ZC3HC1: variants seen among roughly 807,000 people sequenced by gnomAD.
The protein encoded by ZC3HC1 is zinc finger C3HC-type protein 1.
Under a neutral mutation model 61.9 loss-of-function variants are expected in ZC3HC1, and 38 were observed. That is an observed-to-expected ratio of 0.61 (90% CI 0.47 to 0.81). The LOEUF (loss-of-function observed/expected upper bound fraction) is 0.81, where lower values mean the gene tolerates loss of function less well. ZC3HC1 is among the 30% of genes least tolerant of loss of function. ZC3HC1 has a pLI of 0.00. For synonymous variants in ZC3HC1, 213 were observed against 229.9 expected, an observed-to-expected ratio of 0.93 and a Z score of 0.67; for missense variants, 554 against 622.7, an observed-to-expected ratio of 0.89 and a Z score of 1.17.
chr7:130,050,478 C>A, intron 1 of ZC3HC1: 18 of 1,518,188 alleles, frequency 1.2e-5, no homozygotes, highest in Non-Finnish European at 1.6e-5. Flanking sequence ...GAGCCTCAAG[C>A]GGGTGTGGTT....
In ZC3HC1 at chr7:130,023,728, A is replaced by G; in HGVS notation, c.1021-5T>C. The G allele has an allele frequency of 6.2e-7, 1 of 1,608,672 alleles. No individual in the cohort carries two copies. Among genetic ancestry groups the G allele is most frequent in the Non-Finnish European group, 8.5e-7 (1 of 1,175,660 alleles). ...GGGACCAGGGCTCTTTTCAGCCTGA[A>G]GGAAAGGGGAGATAATGGAAGTACA... is the stretch of plus-strand genomic sequence containing the variant. On this transcript the variant is annotated splice_region_variant and splice_polypyrimidine_tract_variant and intron_variant, in intron 7 of 9. Transcript: ENST00000358303. This position sits in a 1 kb window ranked among gnomAD's most constrained non-coding sequence, Gnocchi z 4.2.
chr7:130,025,870 C>CA (rs71175064), intron 6 of ZC3HC1, among the ~76,000 whole-genome samples: 48,842 of 59,340 alleles, frequency 0.82, 19,862 homozygotes, highest in South Asian at 0.92. Context: ...GACTCCGTCT[C>CA]AAAAAAAAAA....
chr7:130,038,612 A>G (rs1215611964), intron 4 of ZC3HC1, among the ~76,000 whole-genome samples: 1 of 151,596 alleles, frequency 6.6e-6, no homozygotes, highest in African/African-American at 2.4e-5. Flanking sequence ...TAATCCCAGC[A>G]GTTTGGGAGG....
At chr7:130,036,568 A>AAAAAT (rs1041051382) in intron 4 of ZC3HC1, 15 of 152,196 alleles carry the variant, frequency 9.9e-5, no homozygotes, top group African/African-American at 2.9e-4. Flanking sequence ...TCTCAAAATA[A>AAAAAT]AAAATAAAAT....
intron 3 of ZC3HC1, among the ~76,000 whole-genome samples, chr7:130,039,919 C>T (rs1290148925): frequency 6.6e-6 from 1 of 151,236 alleles, no homozygotes; most frequent in Non-Finnish European, 1.5e-5. Context: ...GGGGTTTCAC[C>T]ATGTTAGTCA....
chr7:130,020,835 AT>A (rs992304871), intron 9 of ZC3HC1, among the ~76,000 whole-genome samples: 2 of 151,546 alleles, frequency 1.3e-5, no homozygotes, highest in East Asian at 1.9e-4. Flanking sequence ...AGAAATGCGG[AT>A]TTTTTTTTCT....
At position 130,049,159 on chromosome 7, in the gene ZC3HC1, C is replaced by A; in HGVS notation, c.147-15G>T. The A allele has an allele frequency of 6.3e-7, 1 of 1,576,804 alleles. No individual in the cohort carries two copies. The highest frequency in any genetic ancestry group is 1.8e-5 in the Admixed American group (1 of 54,438). On this transcript the variant is annotated splice_polypyrimidine_tract_variant and intron_variant, in intron 1 of 9. Coordinates refer to ENST00000358303, the MANE Select transcript of ZC3HC1 (RefSeq NM_016478.5). ...ACGTGTCCTTCCTAATATAAAGTGGCAAAACTGTTGGTAAACCTTTCACAG... is the reference window on the plus strand; with the variant it reads ...ACGTGTCCTTCCTAATATAAAGTGGAAAAACTGTTGGTAAACCTTTCACAG...
intron 6 of ZC3HC1, 30 bp from the exon 7 acceptor site, chr7:130,024,536 C>G: frequency 6.3e-7 from 1 of 1,579,046 alleles, no homozygotes; most frequent in Non-Finnish European, 8.6e-7. Flanking sequence ...AGAGTTTTCT[C>G]AAAGTGTAAC....
chr7:130,049,119 A>G lies in ZC3HC1; in HGVS notation c.172T>C (p.Ser58Pro). The G allele has an allele frequency of 6.2e-7, 1 of 1,602,988 alleles. No individual in the cohort carries two copies. The highest frequency in any genetic ancestry group is 8.5e-7 in the Non-Finnish European group (1 of 1,175,120). Reference protein sequence around the residue: ...DAKDTSATSQSVNGSPQAEQP... With the variant: ...DAKDTSATSQPVNGSPQAEQP... ...TCCGCTTGGGGTGATCCATTAACTG[A>G]CTGGGATGTGGCAGACGTGTCCTTC... is the stretch of plus-strand genomic sequence containing the variant. Residue 58 changes from serine to proline, a missense_variant, in exon 2 of 10, where the codon TCA (serine) becomes CCA (proline). Transcript: ENST00000358303.
At chr7:130,021,224 A>G (rs1793630485) in intron 9 of ZC3HC1, among the ~76,000 whole-genome samples, 1 of 152,126 alleles carries the variant, frequency 6.6e-6, no homozygotes, top group Non-Finnish European at 1.5e-5. Flanking sequence ...TTGGACTTTT[A>G]GCATTACTAT....
intron 9 of ZC3HC1, among the ~76,000 whole-genome samples, chr7:130,021,065 T>A (rs1440882720): frequency 7.0e-6 from 1 of 142,666 alleles, no homozygotes; most frequent in African/African-American, 2.6e-5. Context: ...ACATGGCAAA[T>A]TTTTTTTTTT....
chr7:130,026,032 G>A, intron 6 of ZC3HC1, 126 bp downstream of exon 6: 1 of 1,174,516 alleles, frequency 8.5e-7, no homozygotes, highest in South Asian at 1.8e-5. Context: ...CCCCCACCCA[G>A]TTTTTCTTTG....
intron 6 of ZC3HC1, among the ~76,000 whole-genome samples, chr7:130,025,769 A>G (rs1793871439): frequency 6.7e-6 from 1 of 149,274 alleles, no homozygotes; most frequent in Non-Finnish European, 1.5e-5. Context: ...CGGGAGGCTG[A>G]GACAGGAGAA....
intron 5 of ZC3HC1, 127 bp from the exon 6 acceptor site, chr7:130,026,439 T>C: frequency 2.0e-6 from 2 of 976,820 alleles, no homozygotes; most frequent in African/African-American, 3.3e-5. Flanking sequence ...GATACTTCTC[T>C]TCACAGAGAA....
chr7:130,049,797 A>C (rs1584601420), intron 1 of ZC3HC1, among the ~76,000 whole-genome samples: 1 of 151,850 alleles, frequency 6.6e-6, no homozygotes, highest in Non-Finnish European at 1.5e-5. Flanking sequence ...TGATTGGCCC[A>C]CCTCAGCCTC....
intron 2 of ZC3HC1, among the ~76,000 whole-genome samples, chr7:130,042,676 T>G (rs905489428): frequency 2.0e-5 from 3 of 152,154 alleles, no homozygotes; most frequent in Admixed American, 2.0e-4. Flanking sequence ...TGCTCAGTTT[T>G]TTTGTTTGTT....
At position 130,023,304 on chromosome 7, in the gene ZC3HC1, T is replaced by C. The variant is rs1793729914; in HGVS notation, c.1233+207A>G. On this transcript the variant is annotated intron_variant, in intron 8 of 9. Transcript: ENST00000358303. This position sits in a 1 kb window ranked among gnomAD's most constrained non-coding sequence, Gnocchi z 4.2. ...CCATTTGCCTGAAATATCTATTATT[T>C]CTCCAGAATCCACTCCAAAGGAACA... is the stretch of plus-strand genomic sequence containing the variant. Among the ~76,000 whole-genome samples, 1 of 152,090 alleles carries C rather than the reference T, an allele frequency of 6.6e-6. No individual in the cohort carries two copies. The highest frequency in any genetic ancestry group is 2.4e-5 in the African/African-American group (1 of 41,408).
At chr7:130,048,855 G>A (rs778231293) in intron 2 of ZC3HC1, 178 bp downstream of exon 2, 19 of 421,566 alleles carry the variant, frequency 4.5e-5, no homozygotes, top group Non-Finnish European at 7.0e-5. Context: ...AAAAGAAAAG[G>A]TTAGATAACC....
At chr7:130,038,450 A>G (rs1584585181) in intron 4 of ZC3HC1, among the ~76,000 whole-genome samples, 1 of 152,190 alleles carries the variant, frequency 6.6e-6, no homozygotes, top group African/African-American at 2.4e-5. Flanking sequence ...TAGGTAGAAC[A>G]TGGCATTGCT....
Sources: gnomAD v4.1 joint callset for allele counts (sites outside exome capture counted in the v4.1 genomes callset) on GRCh38, gnomAD v4.1.1 for gene constraint, Gnocchi (gnomAD v3.1) non-coding constraint, MANE v1.5 for transcripts, NCBI Gene and HGNC (gene_info 2026-07-23, HGNC 2026-07-21) for gene names.